KEL: variants seen among roughly 807,000 people sequenced by gnomAD.
The protein encoded by KEL is kell blood group glycoprotein.
In KEL, 96 loss-of-function variants were observed where a neutral mutation model predicts 99.5. The ratio of observed to expected loss-of-function variants is 0.97; its 90% CI spans 0.82 to 1.14. The LOEUF (loss-of-function observed/expected upper bound fraction) is 1.14. Ranked by LOEUF, KEL falls within the 50% of genes most tolerant of loss-of-function variation. The pLI is 0.00. For missense variants in KEL, 926 were observed against 924.2 expected, an observed-to-expected ratio of 1.00 and a Z score of -0.03; for synonymous variants, 355 against 354.8, an observed-to-expected ratio of 1.00 and a Z score of -0.01.
intron 17 of KEL, 130 bp downstream of exon 17, chr7:142,942,745 A>G (rs1796394701): frequency 9.2e-6 from 11 of 1,197,534 alleles, no homozygotes; most frequent in Non-Finnish European, 1.2e-5. Context: ...GTTGCCGTCT[A>G]TTCAGTGGGG....
Position 142,952,502 on chromosome 7 carries a change from T to C in KEL, c.1203+7A>G. On this transcript the variant is annotated splice_region_variant and intron_variant, in intron 10 of 18. Coordinates refer to ENST00000355265, the MANE Select transcript of KEL (RefSeq NM_000420.3). ...ATCTGGGCAAATACACCCGCTCCTC[T>C]CCTCACCATGGGTGGTTGCTCTGTC... 1.2e-6 allele frequency: 2 copies of C among 1,613,646 alleles called. No homozygotes were observed. The highest frequency in any genetic ancestry group is 1.7e-6 in the Non-Finnish European group (2 of 1,180,000).
chr7:142,953,071 C>T (rs538457941), intron 9 of KEL, among the ~76,000 whole-genome samples: 2 of 152,282 alleles, frequency 1.3e-5, no homozygotes, highest in East Asian at 3.9e-4. Context: ...TGCTCACTGC[C>T]ATGTGAATGG....
At position 142,960,968 on chromosome 7, in the gene KEL, C is replaced by G. The variant is rs773905305; in HGVS notation, c.360G>C (p.Glu120Asp). The change falls in exon 4 of 19, where the codon GAG becomes GAC. Residue 120 changes from glutamate (E) to aspartate (D), a missense_variant. Transcript: ENST00000355265. ...GTCGGTTTTTGTTCTTTGTGGCAAGCTCCTGAAAAGAATTATTGGTCTCTT... is the reference window on the plus strand; with the variant it reads ...GTCGGTTTTTGTTCTTTGTGGCAAGGTCCTGAAAAGAATTATTGGTCTCTT... ...RAKETNNSFQ[E>D]LATKNKNRLR... is the part of the protein sequence containing the mutation. 6.2e-7 allele frequency: 1 copy of G among 1,614,240 alleles called. No individual in the cohort carries two copies. The highest frequency in any genetic ancestry group is 8.5e-7 in the Non-Finnish European group (1 of 1,180,038).
chr7:142,954,040 A>G (rs1796760554), intron 8 of KEL, 84 bp from the exon 9 acceptor site: 1 of 1,547,248 alleles, frequency 6.5e-7, no homozygotes, highest in South Asian at 1.1e-5. Context: ...GAGAAAAAGA[A>G]GAGAACAGGC....
chr7:142,953,713 G>GCCTGCCTTC (rs1307609104), intron 9 of KEL, 95 bp downstream of exon 9: 3 of 1,463,866 alleles, frequency 2.0e-6, no homozygotes, highest in Non-Finnish European at 2.9e-6. Context: ...GCCCTTACCA[G>GCCTGCCTTC]CCTGCCTTCC....
rs753948889 is a variant in KEL, at chr7:142,954,488, G to A, written c.712C>T (p.Gln238Ter). The change falls in exon 7 of 19, where the codon CAA becomes TAA. Residue 238 changes from glutamine to a stop codon, truncating the protein, a stop_gained. Coordinates refer to ENST00000355265, the MANE Select transcript of KEL (RefSeq NM_000420.3). LOFTEE classifies it high-confidence loss of function. Reference protein sequence around the residue: ...PEFDVPLKQDQEQKIYAQIFR... With the variant: ...PEFDVPLKQD ...ACCTGGGCATAGATCTTCTGTTCTT[G>A]ATCTTGCTTGAGGGGAACATCAAAC... The A allele has an allele frequency of 6.2e-7, 1 of 1,614,116 alleles. No homozygotes were observed. The highest frequency in any genetic ancestry group is 2.2e-5 in the East Asian group (1 of 44,882).
chr7:142,941,907 C>T (rs1207541587), intron 18 of KEL, among the ~76,000 whole-genome samples: 3 of 151,676 alleles, frequency 2.0e-5, no homozygotes, highest in Non-Finnish European at 4.4e-5. Context: ...CTCCCAGGTT[C>T]AAGCGATTCT....
rs758310937 is a variant in KEL at position 142,954,495 on chromosome 7, C to T, written c.705G>A (p.Lys235=). 5 of 1,614,080 alleles carry T rather than the reference C, an allele frequency of 3.1e-6. No individual in the cohort carries two copies. Among genetic ancestry groups the T allele is most frequent in the Non-Finnish European group, 3.4e-6 (4 of 1,179,998 alleles). ...CATAGATCTTCTGTTCTTGATCTTG[C>T]TTGAGGGGAACATCAAACTCTGGCT... ...IDQPEFDVPL[K]QDQEQKIYAQ... The change falls in exon 7 of 19, where the codon AAG becomes AAA. Residue 235 remains lysine, a synonymous_variant. Coordinates refer to ENST00000355265, the MANE Select transcript of KEL (RefSeq NM_000420.3).
chr7:142,945,771 G>A (rs1176228865), intron 11 of KEL, among the ~76,000 whole-genome samples: 4 of 152,110 alleles, frequency 2.6e-5, no homozygotes, highest in African/African-American at 9.7e-5. Flanking sequence ...TGGGATTACA[G>A]GCATGCACCA....
chr7:142,953,807 C>A lies in KEL; in HGVS notation c.1073+1G>T. The stretch of plus-strand genomic sequence containing the variant: ...TCTCCCCAATCCCACCTGCGGCGAA[C>A]CTCTGCTTTAGCAGCATCTCCTCCA... On this transcript the variant is annotated splice_donor_variant, in intron 9 of 18. Coordinates refer to ENST00000355265, the MANE Select transcript of KEL (RefSeq NM_000420.3). LOFTEE classifies it high-confidence loss of function. 1.2e-6 allele frequency: 2 copies of A among 1,614,142 alleles called. No individual in the cohort carries two copies. Among genetic ancestry groups the A allele is most frequent in the Non-Finnish European group, 1.7e-6 (2 of 1,180,026 alleles).
chr7:142,954,025 G>C, intron 8 of KEL, 69 bp from the exon 9 acceptor site: 1 of 1,581,358 alleles, frequency 6.3e-7, no homozygotes, highest in East Asian at 2.2e-5. Context: ...CTTCCCCTTG[G>C]GTGTGAGAAA....
chr7:142,962,290 C>T lies in KEL; in HGVS notation c.-84G>A. On this transcript the variant is annotated 5_prime_UTR_variant, in exon 1 of 19. Coordinates refer to ENST00000355265, the MANE Select transcript of KEL (RefSeq NM_000420.3). ...AGGACTGGGGTCCAGGAAACACCCC[C>T]CGCCCCAGTTCCTTGATCCTGGAGA... The T allele has an allele frequency of 4.0e-6, 6 of 1,492,950 alleles. No individual in the cohort carries two copies. The South Asian group carries it at 4.5e-5, about 11-fold the overall frequency. 92.5% of individuals were successfully genotyped at this position (1,492,950 alleles called of 1,614,324 possible). A position where few individuals can be genotyped will look rare whatever the true frequency, so the allele number is the denominator to read the frequency against.
Position 142,943,785 on chromosome 7 carries a change from G to A in KEL, c.1590C>T (p.His530=), listed in dbSNP as rs185291234. 1 of 1,613,478 alleles carries A rather than the reference G, an allele frequency of 6.2e-7. No homozygotes were observed. Among genetic ancestry groups the A allele is most frequent in the East Asian group, 2.2e-5 (1 of 44,870 alleles). ...CTGTGTCTCCCCTGCTGTCATACCTGTGTTGGGGGTGAGGCTGCAAGAAGC... is the reference window on the plus strand; with the variant it reads ...CTGTGTCTCCCCTGCTGTCATACCTATGTTGGGGGTGAGGCTGCAAGAAGC... ...VQSFLQPHPQ[H]RWKVSPWDVN... The change falls in exon 14 of 19, where the codon CAC becomes CAT. Residue 530 remains histidine, a splice_region_variant and synonymous_variant. Transcript: ENST00000355265.
At chr7:142,946,834 A>G (rs1406109486) in intron 10 of KEL, among the ~76,000 whole-genome samples, 1 of 152,246 alleles carries the variant, frequency 6.6e-6, no homozygotes, top group Admixed American at 6.5e-5. Flanking sequence ...AGAAAAAATT[A>G]TCAGAGTAGA....
Position 142,943,862 on chromosome 7 carries a change from G to A in KEL, c.1513C>T (p.Leu505=). ...CGGACACAGCTCAGGACAGACTGCA[G>A]GAAGCTCGATCCAAGCTGTATCTGG... is the stretch of plus-strand genomic sequence containing the variant. ...YNDIQLGSSF[L]QSVLSCVRSL... Residue 505 remains leucine, a synonymous_variant, in exon 14 of 19, where the codon CTG becomes TTG. Transcript: ENST00000355265. 1 of 1,614,122 alleles carries A rather than the reference G, an allele frequency of 6.2e-7. No individual in the cohort carries two copies. The highest frequency in any genetic ancestry group is 1.1e-5 in the South Asian group (1 of 91,066).
chr7:142,945,731 C>A (rs762484752), intron 11 of KEL, among the ~76,000 whole-genome samples: 128 of 151,946 alleles, frequency 8.4e-4, no homozygotes, highest in Non-Finnish European at 1.5e-3. Context: ...CAGGTTCAAG[C>A]GATTCGCCTG....
intron 1 of KEL, 89 bp downstream of exon 1, chr7:142,962,115 A>C: frequency 6.2e-7 from 1 of 1,613,788 alleles, no homozygotes; most frequent in South Asian, 1.1e-5. Flanking sequence ...TAAGCCTTAC[A>C]TTCCCTCCCC....
rs565534667 is a variant in KEL at position 142,944,388 on chromosome 7, G to C, written c.1426C>G (p.Gln476Glu). 1 of 1,613,356 alleles carries C rather than the reference G, an allele frequency of 6.2e-7. No individual in the cohort carries two copies. Among genetic ancestry groups the C allele is most frequent in the South Asian group, 1.1e-5 (1 of 91,064 alleles). The change falls in exon 13 of 19, where the codon CAG becomes GAG. Residue 476 changes from glutamine to glutamate, a missense_variant. Gln to Glu is a conservative substitution (Grantham distance 29, BLOSUM62 2). Transcript: ENST00000355265. Reference sequence around the variant, plus strand: ...CATTCTGAAGCCCCCATCTCCACCTGCAGTTGAGCAACCTGGAGAGAGACA... The same window carrying C: ...CATTCTGAAGCCCCCATCTCCACCTCCAGTTGAGCAACCTGGAGAGAGACA... ...NMAQDKVAQL[Q>E]VEMGASEWAL...
At chr7:142,961,276 A>C (rs1796951055) in intron 3 of KEL, 84 bp downstream of exon 3, 1 of 1,589,082 alleles carries the variant, frequency 6.3e-7, no homozygotes, top group Admixed American at 1.7e-5. Context: ...CAGGGTGGGC[A>C]GAAGCCCCAG....
Sources: allele counts gnomAD v4.1 joint callset (sites outside exome capture counted in the v4.1 genomes callset), GRCh38; gene constraint gnomAD v4.1.1; transcripts MANE v1.5; gene names NCBI Gene and HGNC (gene_info 2026-07-23, HGNC 2026-07-21).